The following DIS3L variants were observed in gnomAD, a reference collection of about 807,000 sequenced individuals.
DIS3L encodes the protein DIS3 like exosome 3'-5' exoribonuclease.
Under a neutral mutation model 120.3 loss-of-function variants are expected in DIS3L, and 100 were observed. That is an observed-to-expected ratio of 0.83 (90% CI 0.71 to 0.98). The LOEUF (loss-of-function observed/expected upper bound fraction) is 0.98. Among genes scored for constraint, DIS3L ranks in the 50% least tolerant of loss-of-function variants. The pLI is 0.00. For missense variants in DIS3L, 1,196 were observed against 1,314.2 expected (o/e 0.91, Z 1.39); for synonymous variants, 426 against 470.6 (o/e 0.91, Z 1.23).
chr15:66,313,968 C>G, intron 5 of DIS3L, 71 bp from the exon 6 acceptor site: 1 of 1,328,262 alleles, frequency 7.5e-7, no homozygotes, highest in East Asian at 2.7e-5. Flanking sequence ...ATTTTAAAAA[C>G]TGGACCTTTT....
chr15:66,296,556 G>A lies in DIS3L; in HGVS notation c.293+1415G>A, dbSNP rs150227521. Among the ~76,000 whole-genome samples, 685 of 143,206 alleles carry A rather than the reference G, an allele frequency of 4.8e-3. 8 individuals carry two copies. Among genetic ancestry groups the A allele is most frequent in the African/African-American group, 0.017 (652 of 38,336 alleles). 93.9% of individuals were successfully genotyped at this position (143,206 alleles called of 152,430 possible). ...CCTTGAGATGGAGTCTGGCTCTGTCGCCCAGGCTAGAGTACAGTGGCGTGA... is the reference window on the plus strand; with the variant it reads ...CCTTGAGATGGAGTCTGGCTCTGTCACCCAGGCTAGAGTACAGTGGCGTGA... On this transcript the variant is annotated intron_variant, in intron 2 of 16. Coordinates refer to ENST00000319212, the MANE Select transcript of DIS3L (RefSeq NM_001143688.3).
intron 4 of DIS3L, 108 bp from the exon 5 acceptor site, chr15:66,311,616 C>T: frequency 7.5e-7 from 1 of 1,328,552 alleles, no homozygotes; most frequent in Non-Finnish European, 1.1e-6. Context: ...CTGAGCACCC[C>T]CTCAAGATGG....
In DIS3L at chr15:66,325,818, A is replaced by T. The variant is rs1222154496; in HGVS notation, c.1668-13A>T. ...TTTGAATAGTGATGTTGTCAATGTT[A>T]CTGTTTTTGTAGGTATGCTGTAAGC... On this transcript the variant is annotated splice_polypyrimidine_tract_variant and intron_variant, in intron 11 of 16. Coordinates refer to ENST00000319212, the MANE Select transcript of DIS3L (RefSeq NM_001143688.3). 1.3e-6 allele frequency: 2 copies of T among 1,573,990 alleles called. No individual in the cohort carries two copies. Among genetic ancestry groups the T allele is most frequent in the Admixed American group, 3.7e-5 (2 of 53,656 alleles).
intron 8 of DIS3L, among the ~76,000 whole-genome samples, chr15:66,319,852 T>C (rs978061206): frequency 1.3e-5 from 2 of 151,420 alleles, no homozygotes; most frequent in African/African-American, 2.4e-5. Flanking sequence ...CAGTGGCTCA[T>C]GCCTGTAATC....
chr15:66,313,820 GA>G (rs966842012), intron 5 of DIS3L, among the ~76,000 whole-genome samples: 2 of 147,380 alleles, frequency 1.4e-5, no homozygotes, highest in South Asian at 2.1e-4. Flanking sequence ...TGTACATCTC[GA>G]AAAAAAGAAA....
chr15:66,313,430 C>A (rs2092782879), intron 5 of DIS3L, among the ~76,000 whole-genome samples: 1 of 152,046 alleles, frequency 6.6e-6, no homozygotes, highest in African/African-American at 2.4e-5. Context: ...AGAAAATAAA[C>A]CTTAGTGATT....
chr15:66,303,459 C>T (rs1401079601), intron 2 of DIS3L, among the ~76,000 whole-genome samples: 3 of 152,160 alleles, frequency 2.0e-5, no homozygotes. Context: ...TGCAGCACCC[C>T]TCACCTCCCC....
chr15:66,319,713 G>C (rs562862103), intron 8 of DIS3L, among the ~76,000 whole-genome samples: 1 of 152,138 alleles, frequency 6.6e-6, no homozygotes, highest in Non-Finnish European at 1.5e-5. Flanking sequence ...GGCTCTCCAG[G>C]CCAGTTGCAC....
intron 9 of DIS3L, among the ~76,000 whole-genome samples, chr15:66,321,247 T>C (rs1379628055): frequency 6.6e-6 from 1 of 152,252 alleles, no homozygotes; most frequent in Non-Finnish European, 1.5e-5. Flanking sequence ...CTTTATGATC[T>C]TTTAAAACCC....
chr15:66,318,736 T>C (rs1205642880), intron 8 of DIS3L, 118 bp downstream of exon 8: 10 of 1,103,078 alleles, frequency 9.1e-6, no homozygotes, highest in Non-Finnish European at 1.0e-5. Flanking sequence ...AAATAAATTA[T>C]TGATGGCATC....
chr15:66,330,323 T>C, intron 14 of DIS3L: 1 of 985,242 alleles, frequency 1.0e-6, no homozygotes, highest in Non-Finnish European at 1.2e-6. Flanking sequence ...CCGTGCCTGC[T>C]GTTTGAATCT....
chr15:66,311,890 G>A lies in DIS3L; in HGVS notation c.725G>A (p.Arg242His), dbSNP rs139490064. ...EVLEAGIKSGRYIQGILNVNK... is the reference protein window; with the variant it reads ...EVLEAGIKSGHYIQGILNVNK... The stretch of plus-strand genomic sequence containing the variant: ...TTAGAAGCTGGGATTAAATCTGGAC[G>A]CTATATCCAGGTGAGGGTGGTAATT... The change falls in exon 5 of 17, where the codon CGC becomes CAC. Residue 242 changes from arginine (R) to histidine (H), a missense_variant. Physicochemically the swap from Arg to His is conservative, Grantham distance 29. Transcript: ENST00000319212. 18 of 1,613,818 alleles carry A rather than the reference G, an allele frequency of 1.1e-5. No individual in the cohort carries two copies. In the African/African-American group the frequency reaches 1.6e-4, roughly 14 times the overall value.
intron 12 of DIS3L, among the ~76,000 whole-genome samples, chr15:66,327,235 C>T (rs961957704): frequency 6.6e-6 from 1 of 152,062 alleles, no homozygotes; most frequent in African/African-American, 2.4e-5. Context: ...GCTGACCCAC[C>T]ATAATTTGTA....
Position 66,332,914 on chromosome 15 carries a change from A to C in DIS3L, c.2856+4A>C. 6.2e-7 allele frequency: 1 copy of C among 1,606,644 alleles called. No individual in the cohort carries two copies. Among genetic ancestry groups the C allele is most frequent in the East Asian group, 2.2e-5 (1 of 44,798 alleles). ...CCATTTGTTTGACCATGTAACCGTA[A>C]GTCTGTGTTTCTATTAAGTATTATT... On this transcript the variant is annotated splice_donor_region_variant and intron_variant, in intron 16 of 16. Transcript: ENST00000319212.
At chr15:66,332,485 A>AGTGTGT (rs778480622) in intron 15 of DIS3L, among the ~76,000 whole-genome samples, 2,900 of 109,678 alleles carry the variant, frequency 0.026, 86 homozygotes, top group African/African-American at 0.072. Context: ...TGAAGACTGG[A>AGTGTGT]GTGTGTGTGT....
rs1027399952 is a variant in DIS3L at position 66,325,855 on chromosome 15, A to G, written c.1692A>G (p.Glu564=). The G allele has an allele frequency of 7.5e-6, 12 of 1,606,838 alleles. No individual in the cohort carries two copies. The East Asian group carries it at 2.5e-4, about 33-fold the overall frequency. Residue 564 remains glutamate (E), a synonymous_variant, in exon 12 of 17, where the codon GAA becomes GAG. Transcript: ENST00000319212. The part of the protein sequence containing the change: ...VDRYAVSIMW[E]LDKASYEIKK... ...GGTATGCTGTAAGCATCATGTGGGA[A>G]CTGGATAAAGCCTCTTATGAAATTA...
intron 7 of DIS3L, among the ~76,000 whole-genome samples, chr15:66,317,998 G>A (rs768828889): frequency 2.6e-5 from 4 of 152,066 alleles, no homozygotes; most frequent in Admixed American, 1.3e-4. Context: ...TTATTGAGAC[G>A]GCATCTCACT....
At chr15:66,318,803 GTTT>G (rs2092849268) in intron 8 of DIS3L, among the ~76,000 whole-genome samples, 185 bp downstream of exon 8, 1 of 151,908 alleles carries the variant, frequency 6.6e-6, no homozygotes, top group Admixed American at 6.6e-5. Flanking sequence ...TTGTTCTTTT[GTTT>G]TTCCAAGACA....
chr15:66,319,586 G>A (rs1203137525), intron 8 of DIS3L, among the ~76,000 whole-genome samples: 2 of 152,150 alleles, frequency 1.3e-5, no homozygotes, highest in African/African-American at 2.4e-5. Context: ...AAAAAGTATG[G>A]GCATTGCCCA....
Sources: allele counts gnomAD v4.1 joint callset (sites outside exome capture counted in the v4.1 genomes callset), GRCh38; gene constraint gnomAD v4.1.1; transcripts MANE v1.5; gene names NCBI Gene and HGNC (gene_info 2026-07-23, HGNC 2026-07-21).